SEC22C: variants seen among roughly 807,000 people sequenced by gnomAD.
SEC22C encodes SEC22 homolog C, vesicle trafficking protein.
A neutral mutation model predicts 34.7 loss-of-function variants in SEC22C; 29 were observed. The observed-to-expected ratio is 0.84, with a 90% confidence interval of 0.62 to 1.14. The LOEUF (loss-of-function observed/expected upper bound fraction) is 1.14. SEC22C is among the 50% of genes most tolerant of loss of function. SEC22C has a pLI of 0.00. For missense variants in SEC22C, 337 were observed against 369.0 expected (o/e 0.91, Z 0.71); for synonymous variants, 117 against 132.8 (o/e 0.88, Z 0.82).
chr3:42,559,980 G>A (rs543110067), intron 4 of SEC22C, among the ~76,000 whole-genome samples: 202 of 151,734 alleles, frequency 1.3e-3, no homozygotes, highest in Non-Finnish European at 2.3e-3. Flanking sequence ...CAGTGAGAAC[G>A]TTAGAAGCCC....
rs544190749 is a variant in SEC22C, at chr3:42,587,949, T to C, written c.-28+13011A>G. On this transcript the variant is annotated intron_variant, in intron 1 of 6. Transcript: ENST00000417572. ...TTAGCTGGGCGTGGTGGTGCATGCCTGTAATCCTGGCCACTTGGGAGGCTG... is the reference window on the plus strand; with the variant it reads ...TTAGCTGGGCGTGGTGGTGCATGCCCGTAATCCTGGCCACTTGGGAGGCTG... 4.7e-4 allele frequency among the ~76,000 whole-genome samples: 72 copies of C among 151,764 alleles called. No homozygotes were observed. In the East Asian group the frequency reaches 0.012, roughly 26 times the overall value.
chr3:42,582,603 C>G (rs1413380310), upstream of SEC22C, among the ~76,000 whole-genome samples: 1 of 152,216 alleles, frequency 6.6e-6, no homozygotes, highest in Non-Finnish European at 1.5e-5. Flanking sequence ...ATTCCTGACA[C>G]GAAAAACTAT....
chr3:42,569,101 T>A, intron 1 of SEC22C, 28 bp from the exon 2 acceptor site: 5 of 1,498,580 alleles, frequency 3.3e-6, no homozygotes, highest in Non-Finnish European at 4.6e-6. Context: ...ACCTTGTTAC[T>A]GAGGCTCAAA....
intron 4 of SEC22C, among the ~76,000 whole-genome samples, chr3:42,558,357 G>A (rs115814232): frequency 0.014 from 2,179 of 150,818 alleles, 53 homozygotes; most frequent in African/African-American, 0.047. Context: ...GCATGGTGAC[G>A]CATACCTGTA....
At chr3:42,561,028 A>T in intron 4 of SEC22C, 89 bp downstream of exon 4, 1 of 1,380,470 alleles carries the variant, frequency 7.2e-7, no homozygotes, top group Non-Finnish European at 1.0e-6. Flanking sequence ...TCTCCCCAAA[A>T]AATAGCTTTC....
At chr3:42,585,932 A>C (rs1704595011), upstream of SEC22C, among the ~76,000 whole-genome samples, 1 of 149,680 alleles carries the variant, frequency 6.7e-6, no homozygotes, top group African/African-American at 2.5e-5. Context: ...CAGATCTCCC[A>C]CTCTTCAACC....
At position 42,554,205 on chromosome 3, in the gene SEC22C, G is replaced by A. The variant is rs1702392075; in HGVS notation, c.712-757C>T. ...CCAGGAACACAGTTGAAGGAATGAGGTGGAACTGTACAATCCCTGCAGTCC... is the reference window on the plus strand; with the variant it reads ...CCAGGAACACAGTTGAAGGAATGAGATGGAACTGTACAATCCCTGCAGTCC... On this transcript the variant is annotated intron_variant, in intron 6 of 6. Coordinates refer to ENST00000264454, the MANE Select transcript of SEC22C (RefSeq NM_032970.4). Among the ~76,000 whole-genome samples, 3 of 152,136 alleles carry A rather than the reference G, an allele frequency of 2.0e-5. No individual in the cohort carries two copies. In the South Asian group the frequency reaches 6.2e-4, roughly 32 times the overall value.
chr3:42,553,234 TCA>T lies in SEC22C; in HGVS notation c.*12_*13del, dbSNP rs1336850910. The T allele has an allele frequency of 6.2e-7, 1 of 1,613,532 alleles. No individual in the cohort carries two copies. Among genetic ancestry groups the T allele is most frequent in the African/African-American group, 1.3e-5 (1 of 74,914 alleles). On this transcript the variant is annotated 3_prime_UTR_variant, in exon 7 of 7. Transcript: ENST00000264454. The stretch of plus-strand genomic sequence containing the variant: ...AAAAGAAAATCAAAGAATCCATTCA[TCA>T]CAGTGTCATCCTCATACTCCACAGT...
intron 2 of SEC22C, chr3:42,566,862 G>A (rs1256542731): frequency 1.2e-5 from 5 of 401,050 alleles, no homozygotes; most frequent in African/African-American, 2.0e-5. Context: ...AAATTAGCTG[G>A]GTATAGTGGT....
chr3:42,550,547 TCAAA>T lies in SEC22C; in HGVS notation c.*2697_*2700del, dbSNP rs1268388740. The T allele has an allele frequency of 2.0e-6, 2 of 985,374 alleles. No individual in the cohort carries two copies. The highest frequency in any genetic ancestry group is 2.4e-6 in the Non-Finnish European group (2 of 829,956). The allele number at this position is 985,374 out of a possible 1,614,324, so 61.0% of individuals were successfully genotyped here. On this transcript the variant is annotated 3_prime_UTR_variant, in exon 7 of 7. Transcript: ENST00000264454. The stretch of plus-strand genomic sequence containing the variant: ...ATTCTTTTAGCTAGCTGGATTTCAG[TCAAA>T]CAATGTTTTTGTGGTCATTACTTGT...
At position 42,563,586 on chromosome 3, in the gene SEC22C, T is replaced by C. The variant is rs1056129160; in HGVS notation, c.283A>G (p.Thr95Ala). The C allele has an allele frequency of 6.2e-7, 1 of 1,614,056 alleles. No homozygotes were observed. Among genetic ancestry groups the C allele is most frequent in the Non-Finnish European group, 8.5e-7 (1 of 1,180,014 alleles). ...CFLETLWWEF[T>A]ASYDTTCIGL... The stretch of plus-strand genomic sequence containing the variant: ...ATGCAGGTAGTGTCATAGGAAGCTG[T>C]GAATTCCCACCACAGGGTCTCCAGG... Residue 95 changes from threonine (T) to alanine (A), a missense_variant, in exon 3 of 7, where the codon ACA becomes GCA. By Grantham distance (58) the Thr-to-Ala change is moderately conservative. Transcript: ENST00000264454.
In SEC22C at chr3:42,548,088, A is replaced by G. The variant is rs1413716365; in HGVS notation, c.*5160T>C. On this transcript the variant is annotated 3_prime_UTR_variant, in exon 7 of 7. Coordinates refer to ENST00000264454, the MANE Select transcript of SEC22C (RefSeq NM_032970.4). ...TATACAAGTTTAGGTTGTACTACTG[A>G]GTTTGTTAAAATGTACCCATTATTT... 1 of 153,706 alleles carries G rather than the reference A, an allele frequency of 6.5e-6. No homozygotes were observed. The highest frequency in any genetic ancestry group is 1.4e-5 in the Non-Finnish European group (1 of 69,058). 9.5% of individuals were successfully genotyped at this position (153,706 alleles called of 1,614,324 possible).
rs1263075033 is a variant in SEC22C, at chr3:42,550,826, A to G, written c.*2422T>C. 2.0e-6 allele frequency: 2 copies of G among 984,392 alleles called. No individual in the cohort carries two copies. Among genetic ancestry groups the G allele is most frequent in the Non-Finnish European group, 2.4e-6 (2 of 829,768 alleles). 61.0% of individuals were successfully genotyped at this position (984,392 alleles called of 1,614,324 possible). A position where few individuals can be genotyped will look rare whatever the true frequency, so the allele number is the denominator to read the frequency against. Reference sequence around the variant, plus strand: ...GGTCTACATGGCAACCCAATGCCACATAGGAAAAGAAAACAGTCCATTTTT... The same window carrying G: ...GGTCTACATGGCAACCCAATGCCACGTAGGAAAAGAAAACAGTCCATTTTT... On this transcript the variant is annotated 3_prime_UTR_variant, in exon 7 of 7. Coordinates refer to ENST00000264454, the MANE Select transcript of SEC22C (RefSeq NM_032970.4).
intron 2 of SEC22C, chr3:42,566,775 G>A (rs1293077189): frequency 2.9e-5 from 11 of 374,842 alleles, no homozygotes; most frequent in East Asian, 1.6e-4. Flanking sequence ...AGGCCAAGGC[G>A]GGAGGATCAC....
intron 1 of SEC22C, among the ~76,000 whole-genome samples, chr3:42,596,798 C>A (rs1238491288): frequency 6.6e-6 from 1 of 152,142 alleles, no homozygotes; most frequent in Non-Finnish European, 1.5e-5. Flanking sequence ...TCAGAGAGAT[C>A]AAAGTGATTT....
At chr3:42,591,533 G>A (rs1171249984) in intron 1 of SEC22C, 4 of 1,613,600 alleles carry the variant, frequency 2.5e-6, no homozygotes, top group African/African-American at 1.3e-5. Context: ...AGCTCCTTGA[G>A]GAGAATGACC....
chr3:42,551,538 A>G lies in SEC22C; in HGVS notation c.*1710T>C, dbSNP rs754818046. 7.2e-4 allele frequency: 326 copies of G among 449,904 alleles called. No homozygotes were observed. The highest frequency in any genetic ancestry group is 9.4e-4 in the Non-Finnish European group (321 of 341,498). 27.9% of individuals were successfully genotyped at this position (449,904 alleles called of 1,614,324 possible). A position where few individuals can be genotyped will look rare whatever the true frequency, so the allele number is the denominator to read the frequency against. The stretch of plus-strand genomic sequence containing the variant: ...TTTTTTTGTAGAGATGAATCTTACT[A>G]TGTTGTCCAGGCTGGTCTCAAACTA... On this transcript the variant is annotated 3_prime_UTR_variant, in exon 7 of 7. Transcript: ENST00000264454.
rs779317625 is a variant in SEC22C, at chr3:42,552,659, A to C, written c.*589T>G. The C allele has an allele frequency of 1.6e-5, 16 of 983,742 alleles. No homozygotes were observed. The highest frequency in any genetic ancestry group is 1.9e-5 in the Non-Finnish European group (16 of 828,380). 60.9% of individuals were successfully genotyped at this position (983,742 alleles called of 1,614,324 possible). A position where few individuals can be genotyped will look rare whatever the true frequency, so the allele number is the denominator to read the frequency against. Reference sequence around the variant, plus strand: ...TCAGCTTAAGTTTGCCCTCACCCTAAATGAAGTCCAATTTATATCCAAAAT... The same window carrying C: ...TCAGCTTAAGTTTGCCCTCACCCTACATGAAGTCCAATTTATATCCAAAAT... On this transcript the variant is annotated 3_prime_UTR_variant, in exon 7 of 7. Coordinates refer to ENST00000264454, the MANE Select transcript of SEC22C (RefSeq NM_032970.4).
intron 2 of SEC22C, among the ~76,000 whole-genome samples, chr3:42,566,433 T>A (rs531892936): frequency 6.6e-6 from 1 of 152,032 alleles, no homozygotes; most frequent in Non-Finnish European, 1.5e-5. Context: ...TCCCAGCACT[T>A]TGGGAGGCCG....
Sources: gnomAD v4.1 joint callset for allele counts (sites outside exome capture counted in the v4.1 genomes callset) on GRCh38, gnomAD v4.1.1 for gene constraint, MANE v1.5 for transcripts, NCBI Gene and HGNC (gene_info 2026-07-23, HGNC 2026-07-21) for gene names.